The following MIR2052HG variants were observed in gnomAD, a reference collection of about 807,000 sequenced individuals.
MIR2052HG encodes the protein MIR2052 host gene.
At chr8:74,730,060 G>A (rs1809675884) in intron 4 of MIR2052HG, among the ~76,000 whole-genome samples, 3 of 152,146 alleles carry the variant, frequency 2.0e-5, no homozygotes, top group African/African-American at 7.2e-5. Flanking sequence ...GATGAGCTGA[G>A]TAATTGTTCA....
At chr8:74,643,752 A>C (rs1379858320) in intron 2 of MIR2052HG, among the ~76,000 whole-genome samples, 5 of 152,330 alleles carry the variant, frequency 3.3e-5, no homozygotes, top group East Asian at 3.9e-4. Flanking sequence ...GCTCTCTTAA[A>C]TTCCTACCCT....
intron 2 of MIR2052HG, among the ~76,000 whole-genome samples, chr8:74,696,865 T>C (rs919728311): frequency 4.0e-5 from 6 of 149,892 alleles, no homozygotes; most frequent in African/African-American, 1.5e-4. Flanking sequence ...GACCAGATGG[T>C]TTCACAGCTG....
chr8:74,728,875 G>A (rs117510926), intron 4 of MIR2052HG, among the ~76,000 whole-genome samples: 4,541 of 152,138 alleles, frequency 0.03, 102 homozygotes, highest in Non-Finnish European at 0.042. Flanking sequence ...CTTATTGCAT[G>A]GCTCAGAATG....
intron 2 of MIR2052HG, among the ~76,000 whole-genome samples, chr8:74,629,661 C>A (rs1217002908): frequency 1.3e-5 from 2 of 152,012 alleles, no homozygotes; most frequent in Non-Finnish European, 2.9e-5. Context: ...CCTTTTGCAG[C>A]CAACACTCAC....
At chr8:74,666,580 G>A (rs1282885283) in intron 2 of MIR2052HG, among the ~76,000 whole-genome samples, 2 of 152,156 alleles carry the variant, frequency 1.3e-5, no homozygotes, top group African/African-American at 4.8e-5. Context: ...AGCACATGAT[G>A]ACCTCAATGT....
intron 2 of MIR2052HG, among the ~76,000 whole-genome samples, chr8:74,681,131 C>G (rs540934131): frequency 6.6e-6 from 1 of 150,392 alleles, no homozygotes; most frequent in Non-Finnish European, 1.5e-5. Flanking sequence ...AGTTAGTGGG[C>G]GCAGCGCACC....
intron 2 of MIR2052HG, among the ~76,000 whole-genome samples, chr8:74,653,732 T>C (rs1808775689): frequency 1.3e-5 from 2 of 152,212 alleles, no homozygotes; most frequent in Non-Finnish European, 2.9e-5. Flanking sequence ...AACATTTCAA[T>C]AGAAGTAAAT....
intron 1 of MIR2052HG, among the ~76,000 whole-genome samples, chr8:74,606,616 G>A (rs1350102101): frequency 6.6e-6 from 1 of 152,154 alleles, no homozygotes; most frequent in African/African-American, 2.4e-5. Context: ...TCACTTATAA[G>A]TGGGAGCTAA....
chr8:74,711,376 G>A (rs1384382506), intron 4 of MIR2052HG, among the ~76,000 whole-genome samples: 1 of 152,182 alleles, frequency 6.6e-6, no homozygotes, highest in Non-Finnish European at 1.5e-5. Context: ...AATGCCTTGT[G>A]TATGTAGGAG....
At chr8:74,638,651 G>A (rs188838612) in intron 2 of MIR2052HG, among the ~76,000 whole-genome samples, 12 of 152,214 alleles carry the variant, frequency 7.9e-5, no homozygotes, top group East Asian at 3.9e-4. Context: ...GTTTGGGCAG[G>A]TATTATTTAT....
chr8:74,757,019 G>A (rs193020829), intron 5 of MIR2052HG: 2 of 152,376 alleles, frequency 1.3e-5, no homozygotes, highest in Middle Eastern at 3.4e-3. Context: ...ATGTGTGAAT[G>A]AGATGGGTAG....
rs929950261 is a variant in MIR2052HG at position 74,603,671 on chromosome 8, C to T, written n.128+3763C>T. The T allele has an allele frequency of 2.5e-5, 27 of 1,066,902 alleles. No homozygotes were observed. The Middle Eastern group carries it at 6.0e-4, about 24-fold the overall frequency. The allele number at this position is 1,066,902 out of a possible 1,614,324, so 66.1% of individuals were successfully genotyped here. A position where few individuals can be genotyped will look rare whatever the true frequency, so the allele number is the denominator to read the frequency against. On this transcript the variant is annotated intron_variant and non_coding_transcript_variant, in intron 1 of 6. Transcript: ENST00000523442. The stretch of plus-strand genomic sequence containing the variant: ...TGTCCTTGAAGGGTATAGGCCTGAC[C>T]GCCTGCAAAGATGACCGGAGAGCTG...
chr8:74,689,373 A>G (rs1809216535), intron 2 of MIR2052HG, among the ~76,000 whole-genome samples: 1 of 152,172 alleles, frequency 6.6e-6, no homozygotes, highest in Non-Finnish European at 1.5e-5. Context: ...TTTCTTGCCA[A>G]TTCCATTTGG....
At chr8:74,733,614 G>A (rs1809718109) in intron 4 of MIR2052HG, among the ~76,000 whole-genome samples, 1 of 143,130 alleles carries the variant, frequency 7.0e-6, no homozygotes, top group Non-Finnish European at 1.5e-5. Flanking sequence ...GGATGGCTGG[G>A]TCAAATGGTA....
At position 74,732,169 on chromosome 8, in the gene MIR2052HG, C is replaced by A. The variant is rs1809699240; in HGVS notation, n.372-20272C>A. 2.0e-5 allele frequency among the ~76,000 whole-genome samples: 3 copies of A among 151,926 alleles called. No individual in the cohort carries two copies. In the South Asian group the frequency reaches 6.2e-4, roughly 32 times the overall value. ...AGAAAAACACTACAGCAAAACATAG[C>A]AAAAATTAAAAAATACAGTATAACA... On this transcript the variant is annotated intron_variant and non_coding_transcript_variant, in intron 4 of 6. Coordinates refer to ENST00000523442, the Ensembl canonical transcript of MIR2052HG.
chr8:74,600,736 C>A (rs1807988336), intron 1 of MIR2052HG, among the ~76,000 whole-genome samples: 1 of 151,952 alleles, frequency 6.6e-6, no homozygotes, highest in Admixed American at 6.5e-5. Context: ...CCACCATGCC[C>A]AGCTAATTTT....
At chr8:74,649,895 T>C (rs1808734551) in intron 2 of MIR2052HG, among the ~76,000 whole-genome samples, 1 of 152,112 alleles carries the variant, frequency 6.6e-6, no homozygotes, top group Non-Finnish European at 1.5e-5. Context: ...GTCACCAACA[T>C]TTGGCTCTAA....
intron 2 of MIR2052HG, among the ~76,000 whole-genome samples, chr8:74,655,246 G>A (rs1194608741): frequency 1.3e-5 from 2 of 152,136 alleles, no homozygotes; most frequent in Non-Finnish European, 2.9e-5. Flanking sequence ...ATTTTTTGAG[G>A]AGAAAATCAA....
At chr8:74,694,847 C>T (rs1190219795) in intron 2 of MIR2052HG, among the ~76,000 whole-genome samples, 1 of 151,938 alleles carries the variant, frequency 6.6e-6, no homozygotes, top group African/African-American at 2.4e-5. Flanking sequence ...AATGACCAAA[C>T]CTAAGAATGA....
Sources: allele counts gnomAD v4.1 joint callset (sites outside exome capture counted in the v4.1 genomes callset), GRCh38; gene constraint gnomAD v4.1.1; transcripts MANE v1.5; gene names NCBI Gene and HGNC (gene_info 2026-07-23, HGNC 2026-07-21).